Variants in CFAP299 observed in about 807,000 individuals in gnomAD.
CFAP299 encodes the protein cilia- and flagella-associated protein 299.
In CFAP299, 21 loss-of-function variants were observed where a neutral mutation model predicts 27.0. The ratio of observed to expected loss-of-function variants is 0.78; its 90% CI spans 0.55 to 1.12. The LOEUF (loss-of-function observed/expected upper bound fraction) is 1.12, where lower values mean the gene tolerates loss of function less well. CFAP299 is among the 50% of genes most tolerant of loss of function. The probability of loss-of-function intolerance (pLI) is 0.00; values close to 1 mark genes in which losing one functional copy is unlikely to be tolerated. For missense variants in CFAP299, 310 were observed against 276.6 expected, an observed-to-expected ratio of 1.12 and a Z score of -0.86; for synonymous variants, 104 against 98.1, an observed-to-expected ratio of 1.06 and a Z score of -0.36.
intron 2 of CFAP299, among the ~76,000 whole-genome samples, chr4:80,542,938 AG>A (rs1016310426): frequency 6.6e-6 from 1 of 151,980 alleles, no homozygotes; most frequent in African/African-American, 2.4e-5. Flanking sequence ...CCCACAACCA[AG>A]CATCCCCCAC....
At chr4:80,535,901 A>G (rs552232602) in intron 2 of CFAP299, among the ~76,000 whole-genome samples, 2 of 152,338 alleles carry the variant, frequency 1.3e-5, no homozygotes, top group Non-Finnish European at 2.9e-5. Flanking sequence ...TGTGAAAACT[A>G]TATTTTGTAG....
intron 3 of CFAP299, among the ~76,000 whole-genome samples, chr4:80,688,751 C>T (rs866633680): frequency 2.3e-4 from 35 of 151,958 alleles, no homozygotes; most frequent in African/African-American, 7.5e-4. Context: ...CTCCGAGCTA[C>T]GGGAGGACAT....
chr4:80,515,066 T>TA (rs925234048), intron 2 of CFAP299, among the ~76,000 whole-genome samples: 5 of 152,050 alleles, frequency 3.3e-5, no homozygotes, highest in South Asian at 4.1e-4. Flanking sequence ...TGCACAAATA[T>TA]AAAAAAACTG....
chr4:80,473,803 G>C (rs1265817324), intron 2 of CFAP299, among the ~76,000 whole-genome samples: 2 of 152,006 alleles, frequency 1.3e-5, no homozygotes, highest in Non-Finnish European at 2.9e-5. Context: ...TGTTTTCTAG[G>C]CTGGTTTCAA....
chr4:80,680,665 T>G (rs151215799), intron 3 of CFAP299, among the ~76,000 whole-genome samples: 64 of 152,304 alleles, frequency 4.2e-4, no homozygotes, highest in African/African-American at 1.5e-3. Context: ...CATGGGATTT[T>G]TACAGTAAAA....
chr4:80,662,793 G>C (rs779264413), intron 3 of CFAP299, among the ~76,000 whole-genome samples: 3 of 152,154 alleles, frequency 2.0e-5, no homozygotes, highest in Non-Finnish European at 2.9e-5. Context: ...AGAGAAATGA[G>C]AGTAAGCTGG....
intron 2 of CFAP299, among the ~76,000 whole-genome samples, chr4:80,373,819 A>G (rs778899660): frequency 3.9e-5 from 6 of 152,192 alleles, no homozygotes; most frequent in Non-Finnish European, 7.3e-5. Flanking sequence ...TTCTGCATTC[A>G]GCCCTGGAAT....
chr4:80,494,466 T>C (rs1731330887), intron 2 of CFAP299, among the ~76,000 whole-genome samples: 1 of 152,250 alleles, frequency 6.6e-6, no homozygotes, highest in Admixed American at 6.5e-5. Flanking sequence ...TCCTGTTATA[T>C]GTAAATATCT....
chr4:80,958,191 A>G (rs1738163588), intron 5 of CFAP299, among the ~76,000 whole-genome samples: 1 of 152,176 alleles, frequency 6.6e-6, no homozygotes, highest in South Asian at 2.1e-4. Context: ...CATAGTATAC[A>G]ATATTCTTGA....
chr4:80,460,304 C>T (rs1729374415), intron 2 of CFAP299, among the ~76,000 whole-genome samples: 1 of 152,130 alleles, frequency 6.6e-6, no homozygotes, highest in Non-Finnish European at 1.5e-5. Flanking sequence ...CTGTTTATTT[C>T]ACCAATGCAG....
chr4:80,556,702 C>G (rs1325936355), intron 2 of CFAP299, among the ~76,000 whole-genome samples: 1 of 151,878 alleles, frequency 6.6e-6, no homozygotes, highest in Non-Finnish European at 1.5e-5. Context: ...TGTCAGATTT[C>G]AAAGGTTTAA....
chr4:80,723,119 G>A (rs72864864), intron 3 of CFAP299, among the ~76,000 whole-genome samples: 17,175 of 152,126 alleles, frequency 0.11, 1,455 homozygotes, highest in African/African-American at 0.23. Flanking sequence ...CAAGGATGTG[G>A]AAGACCTGGA....
chr4:80,881,668 A>G (rs1733713879), intron 4 of CFAP299, among the ~76,000 whole-genome samples: 1 of 152,240 alleles, frequency 6.6e-6, no homozygotes, highest in South Asian at 2.1e-4. Flanking sequence ...AAATGTACAG[A>G]CAACAAAGTA....
chr4:80,580,445 C>T (rs1448886842), intron 2 of CFAP299, among the ~76,000 whole-genome samples: 1 of 151,926 alleles, frequency 6.6e-6, no homozygotes, highest in Non-Finnish European at 1.5e-5. Context: ...ACAACTGTCA[C>T]AGAAGACTAA....
upstream of CFAP299, among the ~76,000 whole-genome samples, chr4:80,334,224 T>C (rs1285129170): frequency 2.0e-5 from 3 of 152,158 alleles, no homozygotes; most frequent in Non-Finnish European, 4.4e-5. Flanking sequence ...AAATGCACAA[T>C]CACAATTGAT....
chr4:80,605,407 T>C (rs1298529788), intron 3 of CFAP299, among the ~76,000 whole-genome samples: 2 of 152,130 alleles, frequency 1.3e-5, no homozygotes, highest in African/African-American at 2.4e-5. Flanking sequence ...TTCTTAAACA[T>C]AAAAAGACAC....
At chr4:80,441,552 G>T (rs972484500) in intron 2 of CFAP299, among the ~76,000 whole-genome samples, 1 of 152,138 alleles carries the variant, frequency 6.6e-6, no homozygotes, top group Non-Finnish European at 1.5e-5. Flanking sequence ...GCTCCTGAAG[G>T]CTGCACTAAA....
intron 3 of CFAP299, among the ~76,000 whole-genome samples, chr4:80,762,831 G>A (rs1247179118): frequency 2.0e-5 from 3 of 152,116 alleles, no homozygotes; most frequent in African/African-American, 7.2e-5. Flanking sequence ...AAAAAGTCCT[G>A]ACTTTTCCGC....
At chr4:80,423,627 A>G (rs1727393795) in intron 2 of CFAP299, among the ~76,000 whole-genome samples, 1 of 152,098 alleles carries the variant, frequency 6.6e-6, no homozygotes, top group African/African-American at 2.4e-5. Context: ...ATATTTGCTT[A>G]GTTACTGGAG....
Sources: gnomAD v4.1 joint callset for allele counts (sites outside exome capture counted in the v4.1 genomes callset) on GRCh38, gnomAD v4.1.1 for gene constraint, MANE v1.5 for transcripts, NCBI Gene and HGNC (gene_info 2026-07-23, HGNC 2026-07-21) for gene names.